The following ANKRD17 variants were observed in gnomAD, a reference collection of about 807,000 sequenced individuals.
ANKRD17 encodes ankyrin repeat domain-containing protein 17.
In ANKRD17, 19 loss-of-function variants were observed where a neutral mutation model predicts 229.7. The observed-to-expected ratio is 0.08, with a 90% CI of 0.06 to 0.12. ANKRD17 has a LOEUF of 0.12. ANKRD17 is among the 10% of genes least tolerant of loss of function. The pLI is 1.00. For synonymous variants in ANKRD17, 1,112 were observed against 1,146.1 expected, an observed-to-expected ratio of 0.97 and a Z score of 0.60; for missense variants, 2,176 against 3,176.8, an observed-to-expected ratio of 0.68 and a Z score of 7.57.
At position 73,083,860 on chromosome 4, in the gene ANKRD17, C is replaced by T. The variant is rs144475096; in HGVS notation, c.7159+1389G>A. ...TCTCTAAAATAATTATAACTCTTTA[C>T]TCTTTCATTAAGTTAATTAGGTTAA... On this transcript the variant is annotated intron_variant, in intron 30 of 33. Coordinates refer to ENST00000358602, the MANE Select transcript of ANKRD17 (RefSeq NM_032217.5). Among the ~76,000 whole-genome samples the T allele has an allele frequency of 1.5e-4, 22 of 151,016 alleles. No homozygotes were observed. In the East Asian group the frequency reaches 3.9e-3, roughly 27 times the overall value.
chr4:73,229,698 T>C (rs1250214458), intron 1 of ANKRD17, among the ~76,000 whole-genome samples: 1 of 151,494 alleles, frequency 6.6e-6, no homozygotes, highest in Non-Finnish European at 1.5e-5. Context: ...GGGAGTCCAA[T>C]GATCTACCCT....
intron 16 of ANKRD17, among the ~76,000 whole-genome samples, chr4:73,125,880 G>C (rs1211477040): frequency 1.3e-5 from 2 of 152,076 alleles, no homozygotes; most frequent in Non-Finnish European, 2.9e-5. Context: ...AAATACTGTG[G>C]ATTAACTTTT....
intron 1 of ANKRD17, among the ~76,000 whole-genome samples, chr4:73,257,008 G>C (rs1049596058): frequency 2.0e-5 from 3 of 152,168 alleles, no homozygotes; most frequent in African/African-American, 7.2e-5. Context: ...CAGAGACCAG[G>C]ATTCAATAAT....
At chr4:73,128,322 T>C (rs1727747731) in intron 16 of ANKRD17, among the ~76,000 whole-genome samples, 1 of 152,210 alleles carries the variant, frequency 6.6e-6, no homozygotes, top group South Asian at 2.1e-4. Flanking sequence ...CTGAATATAA[T>C]GTTAAGTGTA....
chr4:73,232,332 T>C (rs1033714358), intron 1 of ANKRD17, among the ~76,000 whole-genome samples: 5 of 152,200 alleles, frequency 3.3e-5, no homozygotes, highest in African/African-American at 1.2e-4. Context: ...CTAGTTTCTA[T>C]ACTTGGTCCT....
intron 24 of ANKRD17, 114 bp from the exon 25 acceptor site, chr4:73,102,661 C>T (rs929528333): frequency 1.7e-6 from 2 of 1,199,718 alleles, no homozygotes; most frequent in African/African-American, 3.1e-5. Context: ...TCAAAGTCAT[C>T]TAGTTCAATT....
intron 10 of ANKRD17, among the ~76,000 whole-genome samples, chr4:73,145,772 C>A (rs1730192534): frequency 6.6e-6 from 1 of 152,140 alleles, no homozygotes; most frequent in Non-Finnish European, 1.5e-5. Flanking sequence ...GTGCTTATGT[C>A]TCCCTTGTTA....
chr4:73,103,827 G>A (rs57141303), intron 24 of ANKRD17, among the ~76,000 whole-genome samples: 3 of 148,804 alleles, frequency 2.0e-5, no homozygotes, highest in Non-Finnish European at 4.5e-5. Context: ...AACCCTCTCC[G>A]GTTTTTTTTT....
At chr4:73,180,996 G>A (rs1432816175) in intron 1 of ANKRD17, among the ~76,000 whole-genome samples, 1 of 152,128 alleles carries the variant, frequency 6.6e-6, no homozygotes, top group Admixed American at 6.5e-5. Context: ...CTCACTGTCA[G>A]GATTCAAGCA....
intron 1 of ANKRD17, among the ~76,000 whole-genome samples, chr4:73,200,089 A>T (rs1365892280): frequency 2.0e-5 from 3 of 152,154 alleles, no homozygotes; most frequent in Non-Finnish European, 4.4e-5. Flanking sequence ...ATTTTGTCTA[A>T]ATTTCTTAAA....
chr4:73,200,465 A>T (rs963283740), intron 1 of ANKRD17, among the ~76,000 whole-genome samples: 1 of 152,172 alleles, frequency 6.6e-6, no homozygotes, highest in African/African-American at 2.4e-5. Context: ...AGCCTGGGCC[A>T]CGTTCTCAGA....
intron 30 of ANKRD17, among the ~76,000 whole-genome samples, chr4:73,084,885 C>A (rs959145508): frequency 2.6e-5 from 4 of 151,812 alleles, no homozygotes; most frequent in Admixed American, 1.3e-4. Context: ...TTTTTTCCCC[C>A]AAAAAATGAT....
chr4:73,119,455 A>G (rs1726423758), intron 21 of ANKRD17, among the ~76,000 whole-genome samples: 1 of 152,180 alleles, frequency 6.6e-6, no homozygotes, highest in Admixed American at 6.5e-5. Context: ...GAGTGTCATA[A>G]CAGGGCTCAA....
intron 1 of ANKRD17, among the ~76,000 whole-genome samples, chr4:73,241,062 C>T (rs867185386): frequency 6.6e-5 from 10 of 152,016 alleles, no homozygotes; most frequent in Admixed American, 2.0e-4. Context: ...CCGCCCACCT[C>T]GGCTTCCCAA....
chr4:73,155,701 A>G lies in ANKRD17; in HGVS notation c.930T>C (p.Asn310=), dbSNP rs201156501. ...ACTTCACAATTTTGACATGTCCTCC[A>G]TTAGCAGCAGCCATTAAAGGTGTAA... is the stretch of plus-strand genomic sequence containing the variant. ...GDITPLMAAA[N]GGHVKIVKLL... Residue 310 remains asparagine (N), a synonymous_variant, in exon 5 of 34, where the codon AAT becomes AAC. Transcript: ENST00000358602. 2.7e-4 allele frequency: 433 copies of G among 1,614,058 alleles called. 2 individuals are homozygous for G. Among genetic ancestry groups the G allele is most frequent in the Non-Finnish European group, 3.2e-4 (382 of 1,180,026 alleles).
At chr4:73,173,499 A>T (rs567271260) in intron 2 of ANKRD17, among the ~76,000 whole-genome samples, 1 of 152,316 alleles carries the variant, frequency 6.6e-6, no homozygotes, top group African/African-American at 2.4e-5. Context: ...TAGCATGTGG[A>T]GACTCACACC....
At chr4:73,167,448 T>A (rs1733384820) in intron 2 of ANKRD17, among the ~76,000 whole-genome samples, 1 of 152,194 alleles carries the variant, frequency 6.6e-6, no homozygotes, top group Non-Finnish European at 1.5e-5. Flanking sequence ...TCTCCAAAAA[T>A]CAGCTTTTAT....
At chr4:73,221,087 G>C (rs549183058) in intron 1 of ANKRD17, among the ~76,000 whole-genome samples, 1 of 152,054 alleles carries the variant, frequency 6.6e-6, no homozygotes, top group South Asian at 2.1e-4. Context: ...TTTGGATAAG[G>C]CTCTTTTATT....
At chr4:73,114,308 A>T (rs1725670647) in intron 23 of ANKRD17, among the ~76,000 whole-genome samples, 1 of 152,222 alleles carries the variant, frequency 6.6e-6, no homozygotes, top group African/African-American at 2.4e-5. Flanking sequence ...TCAAATATTT[A>T]AGCTTTGTTG....
Sources: allele counts gnomAD v4.1 joint callset (sites outside exome capture counted in the v4.1 genomes callset), GRCh38; gene constraint gnomAD v4.1.1; transcripts MANE v1.5; gene names NCBI Gene and HGNC (gene_info 2026-07-23, HGNC 2026-07-21).